Variants in FUBP3 observed in about 807,000 individuals in gnomAD.
FUBP3 encodes the protein far upstream element-binding protein 3.
In FUBP3, 28 loss-of-function variants were observed where a neutral mutation model predicts 85.6. The ratio of observed to expected loss-of-function variants is 0.33; its 90% CI spans 0.24 to 0.45. The LOEUF (loss-of-function observed/expected upper bound fraction) is 0.45. FUBP3 is among the 20% of genes least tolerant of loss of function. The pLI is 1.00. For missense variants in FUBP3, 583 were observed against 755.1 expected, an observed-to-expected ratio of 0.77 and a Z score of 2.67; for synonymous variants, 271 against 271.4, an observed-to-expected ratio of 1.00 and a Z score of 0.01.
intron 1 of FUBP3, among the ~76,000 whole-genome samples, chr9:130,589,334 ATTATTTATTTAT>A (rs571009997): frequency 6.6e-6 from 1 of 150,760 alleles, no homozygotes. Flanking sequence ...TTAAATTTAC[ATTATTTATTTAT>A]TTATTTATTT....
chr9:130,631,170 C>T, intron 13 of FUBP3: 1 of 1,164,984 alleles, frequency 8.6e-7, no homozygotes, highest in Non-Finnish European at 1.1e-6. Context: ...GTTTCAGGCA[C>T]CTCAAGGCAG....
At chr9:130,607,859 CCT>C (rs1831538647) in intron 2 of FUBP3, among the ~76,000 whole-genome samples, 1 of 152,228 alleles carries the variant, frequency 6.6e-6, no homozygotes, top group East Asian at 1.9e-4. Context: ...AACCTGATTT[CCT>C]CTCAGTGATG....
At chr9:130,630,994 C>G (rs895410997) in intron 13 of FUBP3, among the ~76,000 whole-genome samples, 1 of 152,174 alleles carries the variant, frequency 6.6e-6, no homozygotes. Context: ...ATGAAGGAAG[C>G]CTGGCAGGAC....
At chr9:130,583,407 A>G (rs1041474471) in intron 1 of FUBP3, among the ~76,000 whole-genome samples, 6 of 152,272 alleles carry the variant, frequency 3.9e-5, no homozygotes, top group Non-Finnish European at 7.3e-5. Context: ...TACCATTAAA[A>G]GAAAAAGCCT....
intron 11 of FUBP3, among the ~76,000 whole-genome samples, chr9:130,624,609 T>TG (rs1829889414): frequency 7.0e-6 from 1 of 143,876 alleles, no homozygotes; most frequent in East Asian, 2.1e-4. Flanking sequence ...TTACAAGATT[T>TG]TGTGTGTGTG....
At chr9:130,631,683 T>G in intron 14 of FUBP3, 53 bp downstream of exon 14, 1 of 1,399,808 alleles carries the variant, frequency 7.1e-7, no homozygotes, top group Non-Finnish European at 1.0e-6. Context: ...TCCCCAGAGA[T>G]CCCCTGTCGT....
At chr9:130,623,808 G>T in intron 11 of FUBP3, 97 bp downstream of exon 11, 1 of 646,480 alleles carries the variant, frequency 1.5e-6, no homozygotes, top group South Asian at 2.1e-5. Context: ...GTCACCCTGA[G>T]GCGTCTCAAG....
rs61692268 is a variant in FUBP3 at position 130,600,099 on chromosome 9, TCCTCCCTCCCTC to T, written c.190+4528_190+4539del. 5.6e-5 allele frequency among the ~76,000 whole-genome samples: 7 copies of T among 124,950 alleles called. No individual in the cohort carries two copies. In the East Asian group the frequency reaches 1.4e-3, roughly 25 times the overall value. 82.0% of individuals were successfully genotyped at this position (124,950 alleles called of 152,430 possible). A position where few individuals can be genotyped will look rare whatever the true frequency, so the allele number is the denominator to read the frequency against. On this transcript the variant is annotated intron_variant, in intron 2 of 18. Coordinates refer to ENST00000319725, the MANE Select transcript of FUBP3 (RefSeq NM_003934.2). Reference sequence around the variant, plus strand: ...GTCTTCTCTCTACCTTTTCCTTCCTTCCTCCCTCCCTCCCTCCCTCCCTCCCTCTTTCCCCCT... The same window carrying T: ...GTCTTCTCTCTACCTTTTCCTTCCTTCCTCCCTCCCTCCCTCTTTCCCCCT...
In FUBP3 at chr9:130,609,924, A is replaced by AT. The variant is rs370837573; in HGVS notation, c.191-20dup. The AT allele has an allele frequency of 9.6e-3, 14,077 of 1,471,944 alleles. 20 individuals carry two copies. The highest frequency in any genetic ancestry group is 0.012 in the African/African-American group (824 of 71,616). The allele number at this position is 1,471,944 out of a possible 1,614,324, so 91.2% of individuals were successfully genotyped here. A position where few individuals can be genotyped will look rare whatever the true frequency, so the allele number is the denominator to read the frequency against. On this transcript the variant is annotated intron_variant, in intron 2 of 18. Transcript: ENST00000319725. ...TTAGTTTATCCGTGCTAATGCTTTG[A>AT]TTTTTTTTTTCTCTTTCTCTTTGCC...
At chr9:130,610,845 GTTA>G (rs1831706945) in intron 3 of FUBP3, among the ~76,000 whole-genome samples, 2 of 152,216 alleles carry the variant, frequency 1.3e-5, no homozygotes, top group South Asian at 4.1e-4. Flanking sequence ...GGTGGTTGTT[GTTA>G]TTGTTGTTTC....
At chr9:130,630,886 C>G in intron 13 of FUBP3, 98 bp downstream of exon 13, 1 of 940,020 alleles carries the variant, frequency 1.1e-6, no homozygotes, top group Non-Finnish European at 1.5e-6. Context: ...GCTGCTTGTG[C>G]CTGTGGGTTC....
chr9:130,616,576 G>C lies in FUBP3; in HGVS notation c.567+59G>C. On this transcript the variant is annotated intron_variant, in intron 7 of 18. Transcript: ENST00000319725. This position sits in a 1 kb window ranked among gnomAD's most constrained non-coding sequence, Gnocchi z 4.7. Reference sequence around the variant, plus strand: ...GCTCGCAGCAGGTCTTCAGCTTCCTGGCCCAGGAGATCTGCTTACGGCTGG... The same window carrying C: ...GCTCGCAGCAGGTCTTCAGCTTCCTCGCCCAGGAGATCTGCTTACGGCTGG... The C allele has an allele frequency of 6.5e-7, 1 of 1,528,888 alleles. No homozygotes were observed. Among genetic ancestry groups the C allele is most frequent in the African/African-American group, 1.4e-5 (1 of 73,458 alleles). 94.7% of individuals were successfully genotyped at this position (1,528,888 alleles called of 1,614,324 possible).
rs570787764 is a variant in FUBP3 at position 130,631,048 on chromosome 9, C to T, written c.1278+260C>T. 247 of 838,760 alleles carry T rather than the reference C, an allele frequency of 2.9e-4. No homozygotes were observed. In the African/African-American group the frequency reaches 3.3e-3, roughly 11 times the overall value. 52.0% of individuals were successfully genotyped at this position (838,760 alleles called of 1,614,324 possible). On this transcript the variant is annotated intron_variant, in intron 13 of 18. Coordinates refer to ENST00000319725, the MANE Select transcript of FUBP3 (RefSeq NM_003934.2). ...CCGAGGCCCCAGAGCCGTTCCCCTG[C>T]GGGCTTAGATGAGCGGCTGGGGCGG...
chr9:130,582,330 C>T (rs1021428369), intron 1 of FUBP3, among the ~76,000 whole-genome samples: 2 of 151,914 alleles, frequency 1.3e-5, no homozygotes, highest in Non-Finnish European at 2.9e-5. Flanking sequence ...CCCACCCCTG[C>T]AGTCTCAGCT....
chr9:130,636,934 C>G (rs764533390), intron 18 of FUBP3, 80 bp from the exon 19 acceptor site: 3 of 1,232,918 alleles, frequency 2.4e-6, no homozygotes, highest in Non-Finnish European at 3.6e-6. Context: ...TCCCGTGACG[C>G]GAGACCTGGG....
rs1830386605 is a variant in FUBP3 at position 130,635,653 on chromosome 9, T to A, written c.1583-346T>A. ...CACTATCACAGGCACCCAAGTTAGG[T>A]ACTCCCCTTCTCCCCCACCCCCACC... On this transcript the variant is annotated intron_variant, in intron 17 of 18. Transcript: ENST00000319725. This position sits in a 1 kb window ranked among gnomAD's most constrained non-coding sequence, Gnocchi z 4.3. 6.6e-6 allele frequency among the ~76,000 whole-genome samples: 1 copy of A among 152,026 alleles called. No individual in the cohort carries two copies. The highest frequency in any genetic ancestry group is 2.1e-4 in the South Asian group (1 of 4,820).
At chr9:130,601,456 AT>A (rs1402820319) in intron 2 of FUBP3, among the ~76,000 whole-genome samples, 2 of 152,114 alleles carry the variant, frequency 1.3e-5, no homozygotes, top group Non-Finnish European at 2.9e-5. Context: ...CTCCCCCTGC[AT>A]TCTGTGTAGT....
chr9:130,579,886 C>A, intron 1 of FUBP3, 122 bp downstream of exon 1: 1 of 574,160 alleles, frequency 1.7e-6, no homozygotes, highest in Non-Finnish European at 2.6e-6. Flanking sequence ...CCGGGCCGGG[C>A]CGTTCCGTGG....
In FUBP3 at chr9:130,631,568, C is replaced by T. The variant is rs1830211173; in HGVS notation, c.1290C>T (p.Leu430=). The T allele has an allele frequency of 3.1e-6, 5 of 1,613,706 alleles. No individual in the cohort carries two copies. The highest frequency in any genetic ancestry group is 4.2e-6 in the Non-Finnish European group (5 of 1,179,604). The part of the protein sequence containing the change: ...LIDEKVGGTN[L]GAPGAFGQSP... ...CTGTGCCCCCACAGGGGACCAATCTCGGAGCACCTGGAGCCTTCGGACAGA... is the reference window on the plus strand; with the variant it reads ...CTGTGCCCCCACAGGGGACCAATCTTGGAGCACCTGGAGCCTTCGGACAGA... The change falls in exon 14 of 19, where the codon CTC becomes CTT. Residue 430 remains leucine, a synonymous_variant. Transcript: ENST00000319725.
Sources: gnomAD v4.1 joint callset for allele counts (sites outside exome capture counted in the v4.1 genomes callset) on GRCh38, gnomAD v4.1.1 for gene constraint, Gnocchi (gnomAD v3.1) non-coding constraint, MANE v1.5 for transcripts, NCBI Gene and HGNC (gene_info 2026-07-23, HGNC 2026-07-21) for gene names.